Variants in LRRC4C observed in about 807,000 individuals in gnomAD.
The protein encoded by LRRC4C is leucine rich repeat containing 4C, also known as leucine-rich repeat-containing protein 4C.
In LRRC4C, 5 loss-of-function variants were observed where a neutral mutation model predicts 33.6. The ratio of observed to expected loss-of-function variants is 0.15; its 90% CI spans 0.08 to 0.31. LRRC4C has a LOEUF of 0.31. Ranked by LOEUF, LRRC4C falls within the 10% of genes least tolerant of loss-of-function variation. LRRC4C has a pLI of 1.00. For synonymous variants in LRRC4C, 329 were observed against 302.0 expected (o/e 1.09, Z -0.93); for missense variants, 560 against 796.7 (o/e 0.70, Z 3.58).
chr11:41,388,786 C>G (rs1177669754), intron 1 of LRRC4C, among the ~76,000 whole-genome samples: 1 of 151,750 alleles, frequency 6.6e-6, no homozygotes, highest in Non-Finnish European at 1.5e-5. Flanking sequence ...GGGTTCTTAC[C>G]AGTTAGTGCC....
intron 4 of LRRC4C, chr11:40,293,134 T>A (rs1267325717): frequency 6.6e-6 from 1 of 151,454 alleles, no homozygotes; most frequent in African/African-American, 2.4e-5. Flanking sequence ...AAACTCCGGT[T>A]ATATCCTGTC....
intron 3 of LRRC4C, among the ~76,000 whole-genome samples, chr11:40,616,817 G>T (rs886663298): frequency 3.1e-4 from 47 of 151,302 alleles, no homozygotes; most frequent in African/African-American, 1.1e-3. Context: ...GTTAAATGAC[G>T]AGTTAATGGG....
At chr11:40,429,851 T>C (rs1362408283) in intron 3 of LRRC4C, among the ~76,000 whole-genome samples, 1 of 152,178 alleles carries the variant, frequency 6.6e-6, no homozygotes, top group African/African-American at 2.4e-5. Context: ...GTGCATAGAT[T>C]TTTGAAGGGT....
In LRRC4C at chr11:41,343,706, T is replaced by C. The variant is rs545418679; in HGVS notation, c.-496+115725A>G. Among the ~76,000 whole-genome samples, 9 of 152,338 alleles carry C rather than the reference T, an allele frequency of 5.9e-5. No individual in the cohort carries two copies. The East Asian group carries it at 1.7e-3, about 29-fold the overall frequency. Reference sequence around the variant, plus strand: ...AATACAGTTTTATTCCACTTACTAATGCACATTAATAAAATCACATATTTA... The same window carrying C: ...AATACAGTTTTATTCCACTTACTAACGCACATTAATAAAATCACATATTTA... On this transcript the variant is annotated intron_variant, in intron 1 of 6. Coordinates refer to ENST00000528697, the MANE Select transcript of LRRC4C (RefSeq NM_001258419.2).
Position 41,018,277 on chromosome 11 carries a change from G to A in LRRC4C, c.-495-84554C>T, listed in dbSNP as rs1006832646. On this transcript the variant is annotated intron_variant, in intron 1 of 6. Transcript: ENST00000528697. Reference sequence around the variant, plus strand: ...GTTCTAGAGCATCTTGTTTTTGCAAGTTTCTTTTCTCTTTTTGTCAATTAA... The same window carrying A: ...GTTCTAGAGCATCTTGTTTTTGCAAATTTCTTTTCTCTTTTTGTCAATTAA... Among the ~76,000 whole-genome samples, 3 of 152,076 alleles carry A rather than the reference G, an allele frequency of 2.0e-5. No homozygotes were observed. The South Asian group carries it at 6.2e-4, about 31-fold the overall frequency.
At chr11:41,328,324 G>A (rs763220000) in intron 1 of LRRC4C, among the ~76,000 whole-genome samples, 10 of 152,194 alleles carry the variant, frequency 6.6e-5, no homozygotes, top group Non-Finnish European at 1.3e-4. Context: ...TCCAAAAGGA[G>A]TGTTCTTTGT....
At chr11:41,247,963 C>T (rs948934209) in intron 1 of LRRC4C, among the ~76,000 whole-genome samples, 4 of 152,048 alleles carry the variant, frequency 2.6e-5, no homozygotes, top group Non-Finnish European at 5.9e-5. Context: ...CAATGTCAAA[C>T]GATGTCTGAG....
intron 1 of LRRC4C, among the ~76,000 whole-genome samples, chr11:41,405,250 AAT>A (rs1954186001): frequency 6.6e-6 from 1 of 152,136 alleles, no homozygotes; most frequent in Admixed American, 6.5e-5. Flanking sequence ...AAAACTCCAG[AAT>A]ATACATTTCA....
intron 2 of LRRC4C, among the ~76,000 whole-genome samples, chr11:40,813,683 C>T (rs1376813809): frequency 6.6e-6 from 1 of 152,032 alleles, no homozygotes; most frequent in Non-Finnish European, 1.5e-5. Context: ...TCTCATCTGC[C>T]TATGATCCTG....
intron 1 of LRRC4C, among the ~76,000 whole-genome samples, chr11:41,177,510 C>A (rs1945257826): frequency 6.6e-6 from 1 of 152,128 alleles, no homozygotes; most frequent in Non-Finnish European, 1.5e-5. Context: ...ATTCAATGAT[C>A]TATTATCTCA....
At chr11:40,475,182 A>G (rs1007437009) in intron 3 of LRRC4C, among the ~76,000 whole-genome samples, 9 of 152,134 alleles carry the variant, frequency 5.9e-5, no homozygotes, top group Non-Finnish European at 1.5e-5. Context: ...ATTCACAATA[A>G]CAAAGACTTG....
rs572031065 is a variant in LRRC4C, at chr11:40,459,901, C to T, written c.-269-140180G>A. On this transcript the variant is annotated intron_variant, in intron 3 of 6. Transcript: ENST00000528697. ...TGAACTTTGAAACACATCCATGATG[C>T]AGCACGATGTTTGCATTATGCCTGC... is the stretch of plus-strand genomic sequence containing the variant. Among the ~76,000 whole-genome samples the T allele has an allele frequency of 6.5e-4, 99 of 152,146 alleles. 1 individual carries two copies. The highest frequency in any genetic ancestry group is 1.2e-3 in the Non-Finnish European group (83 of 68,028).
intron 5 of LRRC4C, among the ~76,000 whole-genome samples, chr11:40,159,489 A>C (rs538798443): frequency 7.2e-5 from 11 of 152,322 alleles, no homozygotes; most frequent in African/African-American, 2.6e-4. Context: ...GAAACTGATT[A>C]TACCAGATTA....
chr11:41,117,860 C>G (rs1314946012), intron 1 of LRRC4C, among the ~76,000 whole-genome samples: 1 of 151,992 alleles, frequency 6.6e-6, no homozygotes, highest in East Asian at 1.9e-4. Context: ...GAGCAGAGTG[C>G]AAGAATTTAA....
chr11:40,877,229 C>T (rs1043680879), intron 2 of LRRC4C, among the ~76,000 whole-genome samples: 10 of 152,042 alleles, frequency 6.6e-5, no homozygotes, highest in Admixed American at 6.6e-4. Flanking sequence ...ACCAGAAAGG[C>T]GTCCAGCTAG....
chr11:41,102,039 C>T (rs940785315), intron 1 of LRRC4C, among the ~76,000 whole-genome samples: 1 of 151,884 alleles, frequency 6.6e-6, no homozygotes, highest in Non-Finnish European at 1.5e-5. Context: ...GAATACTAGG[C>T]TCAGTTACTT....
At chr11:40,538,656 A>C (rs1287532248) in intron 3 of LRRC4C, among the ~76,000 whole-genome samples, 1 of 152,186 alleles carries the variant, frequency 6.6e-6, no homozygotes, top group African/African-American at 2.4e-5. Context: ...CAGTAATGGG[A>C]TAGCTGGGTC....
At chr11:41,290,718 T>A (rs1949969015) in intron 1 of LRRC4C, among the ~76,000 whole-genome samples, 1 of 152,178 alleles carries the variant, frequency 6.6e-6, no homozygotes, top group African/African-American at 2.4e-5. Context: ...CCTATTAGAT[T>A]CCTGCCATGA....
intron 1 of LRRC4C, among the ~76,000 whole-genome samples, chr11:41,188,825 T>G (rs1945814782): frequency 6.6e-6 from 1 of 151,254 alleles, no homozygotes. Flanking sequence ...CTCTTACATA[T>G]AGAACCATAT....
Sources: gnomAD v4.1 joint callset for allele counts (sites outside exome capture counted in the v4.1 genomes callset) on GRCh38, gnomAD v4.1.1 for gene constraint, MANE v1.5 for transcripts, NCBI Gene and HGNC (gene_info 2026-07-23, HGNC 2026-07-21) for gene names.